LIFR: variants seen among roughly 807,000 people sequenced by gnomAD.
The protein encoded by LIFR is leukemia inhibitory factor receptor.
A neutral mutation model predicts 122.2 loss-of-function variants in LIFR; 84 were observed. That is an observed-to-expected ratio of 0.69 (90% CI 0.58 to 0.82). The LOEUF is 0.82. Among genes scored for constraint, LIFR ranks in the 40% least tolerant of loss-of-function variants. The pLI is 0.00. For missense variants in LIFR, 1,294 were observed against 1,311.6 expected, an observed-to-expected ratio of 0.99 and a Z score of 0.21; for synonymous variants, 422 against 434.7, an observed-to-expected ratio of 0.97 and a Z score of 0.36.
At chr5:38,561,853 C>T (rs912182153) in intron 1 of LIFR, among the ~76,000 whole-genome samples, 1 of 152,140 alleles carries the variant, frequency 6.6e-6, no homozygotes, top group African/African-American at 2.4e-5. Flanking sequence ...TATTGTTTAC[C>T]ATCACCTCCT....
chr5:38,563,462 A>G (rs1038402757), intron 1 of LIFR, among the ~76,000 whole-genome samples: 3 of 152,212 alleles, frequency 2.0e-5, no homozygotes, highest in African/African-American at 7.2e-5. Flanking sequence ...TGTTTTATAT[A>G]TGTAGATATT....
chr5:38,546,770 T>A (rs953201749), intron 1 of LIFR, among the ~76,000 whole-genome samples: 2 of 152,216 alleles, frequency 1.3e-5, no homozygotes, highest in African/African-American at 4.8e-5. Context: ...GCCATTTATG[T>A]AACGTCCACT....
chr5:38,510,479 C>G lies in LIFR; in HGVS notation c.976G>C (p.Val326Leu). The G allele has an allele frequency of 1.3e-6, 2 of 1,585,730 alleles. No individual in the cohort carries two copies. Among genetic ancestry groups the G allele is most frequent in the Non-Finnish European group, 1.7e-6 (2 of 1,161,332 alleles). Reference protein sequence around the residue: ...FTTEDNIFGTVIFAGYPPDTP... With the variant: ...FTTEDNIFGTLIFAGYPPDTP... ...ATATACTTACATCCAGCAAAAATAA[C>G]GGTTCCAAATATGTTATCTTCGGTT... The change falls in exon 7 of 20, where the codon GTT becomes CTT. Residue 326 changes from valine (V) to leucine (L), a missense_variant. By Grantham distance (32) the Val-to-Leu change is conservative. Coordinates refer to ENST00000453190, the MANE Select transcript of LIFR (RefSeq NM_001127671.2).
In LIFR at chr5:38,550,749, C is replaced by T. The variant is rs566044856; in HGVS notation, c.-20+5585G>A. 1.4e-4 allele frequency among the ~76,000 whole-genome samples: 21 copies of T among 152,264 alleles called. No individual in the cohort carries two copies. In the South Asian group the frequency reaches 4.4e-3, roughly 32 times the overall value. ...TCCTGCCCTTGAGGAGCTGTTGGTT[C>T]TAGAGAGGAGTTGAGAACCCTGCAC... On this transcript the variant is annotated intron_variant, in intron 1 of 19. Coordinates refer to ENST00000453190, the MANE Select transcript of LIFR (RefSeq NM_001127671.2).
chr5:38,516,552 AAAC>A (rs1746093101), intron 5 of LIFR, among the ~76,000 whole-genome samples: 1 of 152,162 alleles, frequency 6.6e-6, no homozygotes, highest in African/African-American at 2.4e-5. Context: ...AAAAGACAGG[AAAC>A]AACAGATGTT....
upstream of LIFR, among the ~76,000 whole-genome samples, chr5:38,598,501 C>T (rs1750164316): frequency 6.6e-6 from 1 of 151,872 alleles, no homozygotes; most frequent in South Asian, 2.1e-4. Flanking sequence ...CTGCCTCGGC[C>T]TCCCAAAAGG....
chr5:38,561,201 C>T (rs1899940), upstream of LIFR, among the ~76,000 whole-genome samples: 126,711 of 152,154 alleles, frequency 0.83, 52,962 homozygotes, highest in East Asian at 0.98. Context: ...CTCACATATC[C>T]AAGTTAAGAG....
chr5:38,515,041 T>C (rs1257501518), intron 5 of LIFR, among the ~76,000 whole-genome samples: 3 of 152,116 alleles, frequency 2.0e-5, no homozygotes, highest in African/African-American at 7.2e-5. Context: ...AGAAGATCCA[T>C]CATAAGACAA....
intron 1 of LIFR, among the ~76,000 whole-genome samples, chr5:38,547,314 C>A (rs771427753): frequency 6.6e-6 from 1 of 152,162 alleles, no homozygotes; most frequent in Non-Finnish European, 1.5e-5. Context: ...ATTCATAACT[C>A]TCCTAAATTT....
At chr5:38,552,529 C>T (rs1040600580) in intron 1 of LIFR, among the ~76,000 whole-genome samples, 5 of 152,194 alleles carry the variant, frequency 3.3e-5, no homozygotes, top group Admixed American at 3.3e-4. Context: ...CACCCACACA[C>T]AAAAGGCATC....
rs1745254961 is a variant in LIFR at position 38,502,751 on chromosome 5, G to A, written c.1486C>T (p.Leu496=). The A allele has an allele frequency of 6.2e-7, 1 of 1,610,414 alleles. No individual in the cohort carries two copies. The highest frequency in any genetic ancestry group is 1.7e-5 in the Admixed American group (1 of 59,986). Residue 496 remains leucine, a synonymous_variant, in exon 11 of 20, where the codon CTG becomes TTG. Transcript: ENST00000453190. ...AGAGTGTATGGATTTAACTTGTCCAGAGCAACAAGATAACTTGAATTTTCT... is the reference window on the plus strand; with the variant it reads ...AGAGTGTATGGATTTAACTTGTCCAAAGCAACAAGATAACTTGAATTTTCT... The part of the protein sequence containing the change: ...GVENSSYLVA[L]DKLNPYTLYT...
chr5:38,558,522 A>G (rs889307761), upstream of LIFR: 2 of 152,146 alleles, frequency 1.3e-5, no homozygotes, highest in African/African-American at 4.8e-5. Context: ...TGGGGCCTGC[A>G]ATTTATGCAA....
At chr5:38,592,188 GT>G (rs1487246503) in intron 1 of LIFR, among the ~76,000 whole-genome samples, 1 of 151,966 alleles carries the variant, frequency 6.6e-6, no homozygotes, top group Non-Finnish European at 1.5e-5. Context: ...TGGCCTTGTA[GT>G]TTTTGCCAAA....
chr5:38,510,627 T>C lies in LIFR; in HGVS notation c.828A>G (p.Lys276=), dbSNP rs1745748054. The part of the protein sequence containing the change: ...DITFCCVSQE[K]VLSALIGHTN... Reference sequence around the variant, plus strand: ...TATGGCCAATCAGTGCTGATAACACTTTTTCTTGACTCACACAACAAAATG... The same window carrying C: ...TATGGCCAATCAGTGCTGATAACACCTTTTCTTGACTCACACAACAAAATG... The change falls in exon 7 of 20, where the codon AAA becomes AAG. Residue 276 remains lysine (K), a synonymous_variant. Transcript: ENST00000453190. 1 of 1,613,982 alleles carries C rather than the reference T, an allele frequency of 6.2e-7. No individual in the cohort carries two copies. Among genetic ancestry groups the C allele is most frequent in the Non-Finnish European group, 8.5e-7 (1 of 1,179,918 alleles).
chr5:38,568,312 A>G (rs1047711259), intron 1 of LIFR, among the ~76,000 whole-genome samples: 1 of 152,166 alleles, frequency 6.6e-6, no homozygotes, highest in Non-Finnish European at 1.5e-5. Context: ...TTGAGAAGGA[A>G]TTTTTGAGCA....
At chr5:38,555,038 T>C (rs749692851) in intron 1 of LIFR, 2 of 152,198 alleles carry the variant, frequency 1.3e-5, no homozygotes, top group Admixed American at 1.3e-4. Context: ...AATTCAATTC[T>C]TGAAGAGGAA....
chr5:38,502,992 T>C (rs868020079), intron 10 of LIFR, among the ~76,000 whole-genome samples, 193 bp from the exon 11 acceptor site: 10 of 152,236 alleles, frequency 6.6e-5, no homozygotes, highest in Non-Finnish European at 1.2e-4. Context: ...TTAATTCTTA[T>C]ATACCTGCCA....
chr5:38,508,380 G>A (rs796213731), intron 7 of LIFR, among the ~76,000 whole-genome samples: 17 of 152,232 alleles, frequency 1.1e-4, no homozygotes, highest in South Asian at 4.2e-4. Flanking sequence ...ATGAATTAAA[G>A]AAGACTCAAG....
chr5:38,525,232 A>G (rs545804682), intron 4 of LIFR, among the ~76,000 whole-genome samples: 1 of 152,212 alleles, frequency 6.6e-6, no homozygotes, highest in Non-Finnish European at 1.5e-5. Context: ...TGAAATGTAG[A>G]CTTTCTGGTT....
Sources: allele counts gnomAD v4.1 joint callset (sites outside exome capture counted in the v4.1 genomes callset), GRCh38; gene constraint gnomAD v4.1.1; transcripts MANE v1.5; gene names NCBI Gene and HGNC (gene_info 2026-07-23, HGNC 2026-07-21).